FGF12: variants seen among roughly 807,000 people sequenced by gnomAD.
FGF12 encodes the protein fibroblast growth factor 12B.
Under a neutral mutation model 23.6 loss-of-function variants are expected in FGF12, and 14 were observed. That is an observed-to-expected ratio of 0.59 (90% CI 0.39 to 0.93). FGF12 has a LOEUF of 0.93. Among genes scored for constraint, FGF12 ranks in the 40% least tolerant of loss-of-function variants. The pLI is 0.00. For synonymous variants in FGF12, 62 were observed against 77.3 expected (o/e 0.80, Z 1.04); for missense variants, 175 against 217.8 (o/e 0.80, Z 1.24).
At chr3:192,674,353 C>A (rs1717246170) in intron 2 of FGF12, among the ~76,000 whole-genome samples, 1 of 152,200 alleles carries the variant, frequency 6.6e-6, no homozygotes. Context: ...AGTCCATCCA[C>A]AATTGCATTG....
chr3:192,461,818 G>A (rs1209875813), intron 2 of FGF12, among the ~76,000 whole-genome samples: 4 of 151,984 alleles, frequency 2.6e-5, no homozygotes, highest in East Asian at 1.9e-4. Flanking sequence ...TTGAAACCCC[G>A]TCTCTACTAA....
intron 2 of FGF12, among the ~76,000 whole-genome samples, chr3:192,668,800 A>G (rs1294889553): frequency 6.6e-6 from 1 of 152,238 alleles, no homozygotes; most frequent in Non-Finnish European, 1.5e-5. Flanking sequence ...CAGCAATGGG[A>G]CATAAAGCAA....
chr3:192,479,292 T>C (rs1247433881), intron 2 of FGF12, among the ~76,000 whole-genome samples: 1 of 152,144 alleles, frequency 6.6e-6, no homozygotes, highest in Non-Finnish European at 1.5e-5. Flanking sequence ...CAGTAGCAGC[T>C]ATCTCAAAAG....
At chr3:192,454,194 A>G (rs551320617) in intron 2 of FGF12, among the ~76,000 whole-genome samples, 12 of 152,242 alleles carry the variant, frequency 7.9e-5, no homozygotes, top group South Asian at 2.1e-4. Context: ...GCGTGCCACC[A>G]TGCCTGGTTA....
chr3:192,676,070 G>A (rs561990869), intron 2 of FGF12, among the ~76,000 whole-genome samples: 150 of 152,270 alleles, frequency 9.9e-4, no homozygotes, highest in African/African-American at 3.5e-3. Flanking sequence ...GCCTCTACTG[G>A]GAACCCATCA....
chr3:192,545,222 C>G (rs985051728), intron 2 of FGF12, among the ~76,000 whole-genome samples: 2 of 152,198 alleles, frequency 1.3e-5, no homozygotes, highest in African/African-American at 4.8e-5. Context: ...AACACTTGCA[C>G]TCTGGCCCCC....
intron 2 of FGF12, among the ~76,000 whole-genome samples, chr3:192,624,045 T>G (rs1715068589): frequency 6.6e-6 from 1 of 152,188 alleles, no homozygotes; most frequent in Non-Finnish European, 1.5e-5. Flanking sequence ...TGAGATGACA[T>G]GACATTATGA....
intron 2 of FGF12, among the ~76,000 whole-genome samples, chr3:192,472,539 G>A (rs1723204021): frequency 6.6e-6 from 1 of 151,970 alleles, no homozygotes; most frequent in Non-Finnish European, 1.5e-5. Context: ...AGAGTCCAAA[G>A]GTTCCCCCAA....
intron 5 of FGF12, among the ~76,000 whole-genome samples, chr3:192,153,300 T>C (rs62295820): frequency 2.3e-5 from 1 of 42,894 alleles, no homozygotes; most frequent in Non-Finnish European, 5.1e-5. Context: ...AATTGGAGCA[T>C]TTAGTCCATT....
intron 2 of FGF12, among the ~76,000 whole-genome samples, chr3:192,410,842 C>G (rs374350310): frequency 6.6e-6 from 1 of 152,134 alleles, no homozygotes; most frequent in African/African-American, 2.4e-5. Flanking sequence ...GTGACGACAT[C>G]TGATGTTGGA....
At chr3:192,288,875 G>A (rs1714606630) in intron 4 of FGF12, among the ~76,000 whole-genome samples, 1 of 152,116 alleles carries the variant, frequency 6.6e-6, no homozygotes, top group Non-Finnish European at 1.5e-5. Flanking sequence ...CATTTTAAAT[G>A]TCTTCAACAT....
chr3:192,717,944 A>G (rs963737611), intron 2 of FGF12, among the ~76,000 whole-genome samples: 2 of 152,152 alleles, frequency 1.3e-5, no homozygotes, highest in African/African-American at 4.8e-5. Context: ...GGTGGTAGAA[A>G]ATGCTTCTTC....
At chr3:192,196,871 A>G (rs1717095357) in intron 4 of FGF12, among the ~76,000 whole-genome samples, 1 of 151,616 alleles carries the variant, frequency 6.6e-6, no homozygotes, top group Non-Finnish European at 1.5e-5. Flanking sequence ...TTTTTTTTTC[A>G]GCAAGAAATC....
chr3:192,476,400 C>T (rs1422980989), intron 2 of FGF12, among the ~76,000 whole-genome samples: 2 of 152,154 alleles, frequency 1.3e-5, no homozygotes, highest in Non-Finnish European at 2.9e-5. Flanking sequence ...AGTCTAAAGC[C>T]TGACTCCCAC....
intron 2 of FGF12, among the ~76,000 whole-genome samples, chr3:192,692,603 G>A (rs1717977748): frequency 6.6e-6 from 1 of 151,882 alleles, no homozygotes; most frequent in Admixed American, 6.6e-5. Flanking sequence ...CTACCTGGGA[G>A]GCTGAGCTGG....
intron 4 of FGF12, among the ~76,000 whole-genome samples, chr3:192,281,253 G>C (rs1451143913): frequency 1.3e-5 from 2 of 152,042 alleles, no homozygotes; most frequent in Non-Finnish European, 2.9e-5. Context: ...TAGCTTTGGG[G>C]GGTTAATGAA....
intron 5 of FGF12, among the ~76,000 whole-genome samples, chr3:192,169,010 T>C (rs1715387845): frequency 6.6e-6 from 1 of 151,968 alleles, no homozygotes. Flanking sequence ...GGATAAAAAC[T>C]AAAGGAGCAG....
intron 3 of FGF12, among the ~76,000 whole-genome samples, chr3:192,343,932 C>T (rs1316643486): frequency 1.3e-5 from 2 of 152,158 alleles, no homozygotes; most frequent in Non-Finnish European, 2.9e-5. Flanking sequence ...AAAGATGTAA[C>T]TTGCCGTATT....
intron 2 of FGF12, among the ~76,000 whole-genome samples, chr3:192,400,702 T>A (rs1156361141): frequency 6.6e-6 from 1 of 152,166 alleles, no homozygotes; most frequent in Non-Finnish European, 1.5e-5. Context: ...TGTAGTTGGG[T>A]AATTACATTA....
Sources: gnomAD v4.1 joint callset for allele counts (sites outside exome capture counted in the v4.1 genomes callset) on GRCh38, gnomAD v4.1.1 for gene constraint, MANE v1.5 for transcripts, NCBI Gene and HGNC (gene_info 2026-07-23, HGNC 2026-07-21) for gene names.